The following PTPRD variants were observed in gnomAD, a reference collection of about 807,000 sequenced individuals.
PTPRD encodes the protein protein tyrosine phosphatase receptor type D.
Under a neutral mutation model 214.5 loss-of-function variants are expected in PTPRD, and 34 were observed. That is an observed-to-expected ratio of 0.16 (90% confidence interval 0.12 to 0.21). PTPRD has a LOEUF of 0.21. Ranked by LOEUF, PTPRD falls within the 10% of genes least tolerant of loss-of-function variation. PTPRD has a pLI of 1.00. For synonymous variants in PTPRD, 1,128 were observed against 845.7 expected (o/e 1.33, Z -5.79); for missense variants, 2,545 against 2,398.7 (o/e 1.06, Z -1.27).
At chr9:9,143,994 T>C (rs1003340451) in intron 10 of PTPRD, among the ~76,000 whole-genome samples, 7 of 152,222 alleles carry the variant, frequency 4.6e-5, no homozygotes, top group Admixed American at 4.6e-4. Flanking sequence ...GTTCTGTGAA[T>C]GGAGGCACAC....
chr9:9,558,870 G>T (rs765997535), intron 8 of PTPRD, among the ~76,000 whole-genome samples: 1 of 152,166 alleles, frequency 6.6e-6, no homozygotes, highest in African/African-American at 2.4e-5. Flanking sequence ...ATCTAGGGGT[G>T]TCTCAGGCCC....
intron 27 of PTPRD, among the ~76,000 whole-genome samples, chr9:8,486,995 A>T (rs34190427): frequency 0.11 from 11,708 of 109,238 alleles, 554 homozygotes; most frequent in South Asian, 0.17. Context: ...TTAAAAGTTT[A>T]AAAAAAAACC....
At chr9:9,083,731 A>C (rs2099762585) in intron 10 of PTPRD, among the ~76,000 whole-genome samples, 1 of 152,206 alleles carries the variant, frequency 6.6e-6, no homozygotes, top group Non-Finnish European at 1.5e-5. Context: ...ACCTCATTAA[A>C]AGTGGGCTAA....
intron 8 of PTPRD, among the ~76,000 whole-genome samples, chr9:9,475,359 C>G (rs1214920142): frequency 6.6e-6 from 1 of 152,170 alleles, no homozygotes; most frequent in African/African-American, 2.4e-5. Context: ...TAGCCTCACT[C>G]TTTTTACATA....
chr9:10,439,960 T>C lies in PTPRD; in HGVS notation c.-599-98943A>G, dbSNP rs908027850. Among the ~76,000 whole-genome samples the C allele has an allele frequency of 1.3e-5, 2 of 151,668 alleles. 1 individual carries two copies. Among genetic ancestry groups the C allele is most frequent in the Non-Finnish European group, 2.9e-5 (2 of 67,816 alleles). On this transcript the variant is annotated intron_variant, in intron 2 of 45. Transcript: ENST00000381196. ...TATCTGTGTTGTTACGGTTTTGTAATATAACGTTTGCATAAACTTAGAAAT... is the reference window on the plus strand; with the variant it reads ...TATCTGTGTTGTTACGGTTTTGTAACATAACGTTTGCATAAACTTAGAAAT...
chr9:10,091,612 C>T (rs767561765), intron 3 of PTPRD, among the ~76,000 whole-genome samples: 6 of 151,450 alleles, frequency 4.0e-5, no homozygotes, highest in African/African-American at 1.5e-4. Flanking sequence ...GAATTGTCAA[C>T]TGCATGTCAA....
At chr9:9,506,053 A>G (rs2096563422) in intron 8 of PTPRD, among the ~76,000 whole-genome samples, 1 of 151,508 alleles carries the variant, frequency 6.6e-6, no homozygotes, top group Non-Finnish European at 1.5e-5. Flanking sequence ...ATAAATAAAA[A>G]TAAAAATAAA....
At chr9:10,175,769 A>G (rs892039576) in intron 3 of PTPRD, among the ~76,000 whole-genome samples, 4 of 152,020 alleles carry the variant, frequency 2.6e-5, no homozygotes, top group Non-Finnish European at 5.9e-5. Context: ...GTATGACCAT[A>G]TATAGCCTTG....
chr9:10,430,743 G>C (rs118129060), intron 2 of PTPRD, among the ~76,000 whole-genome samples: 2 of 151,616 alleles, frequency 1.3e-5, no homozygotes, highest in Non-Finnish European at 2.9e-5. Flanking sequence ...TTGGCAAAAG[G>C]TCAAAAAAGA....
chr9:9,016,262 C>T (rs529158110), intron 11 of PTPRD, among the ~76,000 whole-genome samples: 3 of 152,194 alleles, frequency 2.0e-5, no homozygotes, highest in East Asian at 3.9e-4. Context: ...CAATTTTCCC[C>T]CAAATAGTTG....
intron 10 of PTPRD, among the ~76,000 whole-genome samples, chr9:9,134,860 G>A (rs1026575302): frequency 2.0e-5 from 3 of 151,684 alleles, no homozygotes; most frequent in Non-Finnish European, 2.9e-5. Context: ...AAACACTGCC[G>A]GGTACATTGA....
intron 35 of PTPRD, among the ~76,000 whole-genome samples, chr9:8,431,612 A>C (rs1344391195): frequency 1.3e-5 from 2 of 152,158 alleles, no homozygotes; most frequent in Admixed American, 6.5e-5. Flanking sequence ...AAAATGGTGA[A>C]ATGAAGACTG....
chr9:10,025,121 T>C (rs567005316), intron 4 of PTPRD, among the ~76,000 whole-genome samples: 10 of 152,198 alleles, frequency 6.6e-5, no homozygotes, highest in African/African-American at 2.4e-4. Flanking sequence ...AGCAGCATGA[T>C]TTACAATCCT....
At chr9:9,189,662 T>G (rs2099933891) in intron 9 of PTPRD, among the ~76,000 whole-genome samples, 1 of 152,094 alleles carries the variant, frequency 6.6e-6, no homozygotes, top group African/African-American at 2.4e-5. Context: ...CTGCTTTTAT[T>G]TTTTTCTGTT....
chr9:10,459,741 T>C (rs2098944804), intron 2 of PTPRD, among the ~76,000 whole-genome samples: 1 of 152,050 alleles, frequency 6.6e-6, no homozygotes, highest in Admixed American at 6.6e-5. Context: ...TGCCCACTTT[T>C]TGATGGGATT....
intron 10 of PTPRD, among the ~76,000 whole-genome samples, chr9:9,034,593 C>T (rs2099615713): frequency 1.3e-5 from 2 of 152,098 alleles, no homozygotes; most frequent in Admixed American, 6.6e-5. Context: ...ATAAAGAGCT[C>T]AGCCAGTGGT....
intron 8 of PTPRD, among the ~76,000 whole-genome samples, chr9:9,549,605 A>G (rs112337518): frequency 0.016 from 2,407 of 152,230 alleles, 53 homozygotes; most frequent in African/African-American, 0.055. Context: ...TAAGAAAAGT[A>G]AAAACATGTC....
At chr9:9,876,611 G>A (rs893312394) in intron 5 of PTPRD, among the ~76,000 whole-genome samples, 1 of 152,176 alleles carries the variant, frequency 6.6e-6, no homozygotes, top group African/African-American at 2.4e-5. Context: ...CATTATATGA[G>A]AATTAGTGCA....
In PTPRD at chr9:8,920,608, C is replaced by G. The variant is rs574234874; in HGVS notation, c.-104+98089G>C. ...CTAAAACAAAAAATTGCAAAAAAAT[C>G]TCATAATGTTTTAAGAAAGTTTACA... On this transcript the variant is annotated intron_variant, in intron 11 of 45. Coordinates refer to ENST00000381196, the MANE Select transcript of PTPRD (RefSeq NM_002839.4). 5.6e-4 allele frequency among the ~76,000 whole-genome samples: 85 copies of G among 152,148 alleles called. 1 individual carries two copies. Among genetic ancestry groups the G allele is most frequent in the Middle Eastern group, 6.8e-3 (2 of 294 alleles).
Sources: allele counts gnomAD v4.1 joint callset (sites outside exome capture counted in the v4.1 genomes callset), GRCh38; gene constraint gnomAD v4.1.1; transcripts MANE v1.5; gene names NCBI Gene and HGNC (gene_info 2026-07-23, HGNC 2026-07-21).